Variants in CRELD2 observed in about 807,000 individuals in gnomAD.
CRELD2 encodes the protein protein disulfide isomerase CRELD2.
Under a neutral mutation model 48.1 loss-of-function variants are expected in CRELD2, and 33 were observed. The observed-to-expected ratio is 0.69, with a 90% CI of 0.52 to 0.92. The LOEUF (loss-of-function observed/expected upper bound fraction) is 0.92. CRELD2 is among the 40% of genes least tolerant of loss of function. CRELD2 has a pLI of 0.00. For synonymous variants in CRELD2, 220 were observed against 203.9 expected (o/e 1.08, Z -0.67); for missense variants, 477 against 482.4 (o/e 0.99, Z 0.10).
chr22:49,919,415 C>T, intron 2 of CRELD2, 103 bp downstream of exon 2: 1 of 1,050,462 alleles, frequency 9.5e-7, no homozygotes, highest in South Asian at 1.4e-5. Context: ...ACAGAACAGC[C>T]CCCGAGGCAC....
At chr22:49,924,309 G>T (rs1241839789) in intron 7 of CRELD2, 51 bp from the exon 8 acceptor site, 8 of 1,380,068 alleles carry the variant, frequency 5.8e-6, no homozygotes, top group Non-Finnish European at 7.1e-6. Flanking sequence ...GGGTCTGACG[G>T]GCACTGGTGC....
At chr22:49,919,037 C>T (rs2060647006) in intron 1 of CRELD2, 139 bp downstream of exon 1, 17 of 872,276 alleles carry the variant, frequency 1.9e-5, no homozygotes, top group Non-Finnish European at 2.7e-5. Flanking sequence ...CGGGATCCCC[C>T]TCACCGTCGA....
Position 49,918,647 on chromosome 22 carries a change from C to G in CRELD2, c.-123C>G, listed in dbSNP as rs948217593. 113 of 357,700 alleles carry G rather than the reference C, an allele frequency of 3.2e-4. 1 individual carries two copies. The highest frequency in any genetic ancestry group is 2.2e-3 in the African/African-American group (105 of 46,908). 22.2% of individuals were successfully genotyped at this position (357,700 alleles called of 1,614,324 possible). A position where few individuals can be genotyped will look rare whatever the true frequency, so the allele number is the denominator to read the frequency against. ...GGCGGGTGGGGCGGGGCCTCGCCGG[C>G]GCCGTCAAGTAGCCTGGGGGACAGG... On this transcript the variant is annotated 5_prime_UTR_variant, in exon 1 of 10. Transcript: ENST00000328268.
intron 4 of CRELD2, among the ~76,000 whole-genome samples, chr22:49,920,659 A>G (rs953269293): frequency 3.3e-5 from 5 of 152,240 alleles, no homozygotes; most frequent in African/African-American, 4.8e-5. Flanking sequence ...CTGGGTGTCT[A>G]TCAGGCTGGG....
chr22:49,923,084 A>C, intron 6 of CRELD2, 150 bp from the exon 7 acceptor site: 1 of 628,084 alleles, frequency 1.6e-6, no homozygotes, highest in Non-Finnish European at 2.7e-6. Flanking sequence ...CGAGGATGGC[A>C]TTTGAGATGA....
At chr22:49,923,362 C>T (rs761836529) in intron 7 of CRELD2, 45 bp downstream of exon 7, 5 of 1,374,620 alleles carry the variant, frequency 3.6e-6, no homozygotes, top group African/African-American at 1.9e-5. Flanking sequence ...TGCCGGGTTT[C>T]GTTGCTGCCT....
At chr22:49,924,539 G>A (rs549923738) in intron 8 of CRELD2, 84 bp downstream of exon 8, 6 of 1,045,718 alleles carry the variant, frequency 5.7e-6, no homozygotes, top group Admixed American at 2.1e-5. Context: ...TACTGCCAGG[G>A]ATGGGAAGCA....
Position 49,922,634 on chromosome 22 carries a change from G to A in CRELD2, c.615G>A (p.Thr205=), listed in dbSNP as rs1350041227. The part of the protein sequence containing the change: ...ICTACDESCK[T]CSGLTNRDCG... ...CAGCCTGTGACGAGTCCTGCAAGAC[G>A]TGCTCGGGCCTGACCAACAGAGACT... Residue 205 remains threonine (T), a synonymous_variant, in exon 6 of 10, where the codon ACG becomes ACA. Transcript: ENST00000328268. 15 of 1,567,196 alleles carry A rather than the reference G, an allele frequency of 9.6e-6. No homozygotes were observed. Among genetic ancestry groups the A allele is most frequent in the African/African-American group, 4.1e-5 (3 of 73,350 alleles).
At chr22:49,920,297 C>A in intron 4 of CRELD2, 50 bp downstream of exon 4, 1 of 1,284,328 alleles carries the variant, frequency 7.8e-7, no homozygotes, top group Non-Finnish European at 1.1e-6. Flanking sequence ...TTCCCCTCTT[C>A]TTCTCATGAT....
chr22:49,924,851 G>A (rs1258236079), intron 8 of CRELD2: 1 of 173,366 alleles, frequency 5.8e-6, no homozygotes, highest in East Asian at 1.7e-4. Flanking sequence ...TGGGTTTCCT[G>A]GGCAGGCGCC....
chr22:49,925,265 G>A (rs188667331), intron 8 of CRELD2, 152 bp from the exon 9 acceptor site: 31 of 596,960 alleles, frequency 5.2e-5, no homozygotes, highest in African/African-American at 4.5e-4. Flanking sequence ...CTTCCCTCTC[G>A]AAGCCTTTCC....
chr22:49,919,601 G>T, intron 2 of CRELD2, 129 bp from the exon 3 acceptor site: 2 of 678,830 alleles, frequency 2.9e-6, no homozygotes, highest in South Asian at 3.9e-5. Flanking sequence ...CTGACAGTGG[G>T]GTCCCCTTAT....
rs2060736460 is a variant in CRELD2 at position 49,924,398 on chromosome 22, C to T, written c.811C>T (p.Pro271Ser). Residue 271 changes from proline (P) to serine (S), a missense_variant, in exon 8 of 10, where the codon CCA becomes TCA. Coordinates refer to ENST00000328268, the MANE Select transcript of CRELD2 (RefSeq NM_024324.5). ...SSCVGCTGEG[P>S]GNCKECISGY... The stretch of plus-strand genomic sequence containing the variant: ...CTGTGTGGGCTGCACAGGGGAAGGC[C>T]CAGGAAACTGTAAAGAGTGTATCTC... 6.2e-7 allele frequency: 1 copy of T among 1,612,640 alleles called. No individual in the cohort carries two copies. The highest frequency in any genetic ancestry group is 8.5e-7 in the Non-Finnish European group (1 of 1,179,538).
intron 4 of CRELD2, 93 bp downstream of exon 4, chr22:49,920,340 G>A: frequency 1.2e-6 from 1 of 869,034 alleles, no homozygotes; most frequent in South Asian, 1.5e-5. Flanking sequence ...GGGGACCTGG[G>A]GTGCATCAGC....
Position 49,925,441 on chromosome 22 carries a change from A to G in CRELD2, c.893A>G (p.Glu298Gly), listed in dbSNP as rs778921322. The G allele has an allele frequency of 1.1e-5, 18 of 1,612,864 alleles. No homozygotes were observed. The highest frequency in any genetic ancestry group is 1.3e-5 in the African/African-American group (1 of 74,932). ...GATGTGGACGAGTGCTCACTAGCAG[A>G]AAAAACCTGTGTGAGGAAAAACGAA... ...CADVDECSLA[E>G]KTCVRKNENC... Residue 298 changes from glutamate to glycine, a missense_variant, in exon 9 of 10, where the codon GAA becomes GGA. Coordinates refer to ENST00000328268, the MANE Select transcript of CRELD2 (RefSeq NM_024324.5).
At chr22:49,919,926 A>G in intron 3 of CRELD2, 86 bp downstream of exon 3, 2 of 1,092,612 alleles carry the variant, frequency 1.8e-6, no homozygotes, top group South Asian at 2.8e-5. Flanking sequence ...AGGTACAGGA[A>G]CAGTAGGGAG....
rs754969782 is a variant in CRELD2 at position 49,921,023 on chromosome 22, T to G, written c.416-562T>G. Among the ~76,000 whole-genome samples, 89 of 152,230 alleles carry G rather than the reference T, an allele frequency of 5.8e-4. 1 individual carries two copies. The highest frequency in any genetic ancestry group is 1.6e-3 in the Admixed American group (24 of 15,286). On this transcript the variant is annotated intron_variant, in intron 4 of 9. Coordinates refer to ENST00000328268, the MANE Select transcript of CRELD2 (RefSeq NM_024324.5). ...CAGGCGTGTTCTGAGAAATGCGTCA[T>G]TAGGCGACTTTGTCATGGTGCAAAC...
At position 49,921,625 on chromosome 22, in the gene CRELD2, C is replaced by T; in HGVS notation, c.456C>T (p.Gly152=). 2 of 1,612,848 alleles carry T rather than the reference C, an allele frequency of 1.2e-6. No individual in the cohort carries two copies. Among genetic ancestry groups the T allele is most frequent in the Non-Finnish European group, 1.7e-6 (2 of 1,179,960 alleles). The change falls in exon 5 of 10, where the codon GGC becomes GGT. Residue 152 remains glycine, a synonymous_variant. Transcript: ENST00000328268. The stretch of plus-strand genomic sequence containing the variant: ...CCCAGAGGCCCTGCAGCGGGAATGG[C>T]CACTGCAGCGGAGATGGGAGCAGAC... ...GGSQRPCSGN[G]HCSGDGSRQG...
chr22:49,919,583 G>T, intron 2 of CRELD2, 147 bp from the exon 3 acceptor site: 1 of 649,172 alleles, frequency 1.5e-6, no homozygotes, highest in South Asian at 2.0e-5. Context: ...AACCGCTCCT[G>T]GCTTCCCCTG....
Sources: gnomAD v4.1 joint callset for allele counts (sites outside exome capture counted in the v4.1 genomes callset) on GRCh38, gnomAD v4.1.1 for gene constraint, MANE v1.5 for transcripts, NCBI Gene and HGNC (gene_info 2026-07-23, HGNC 2026-07-21) for gene names.